The following PRKG1 variants were observed in gnomAD, a reference collection of about 807,000 sequenced individuals.
The protein encoded by PRKG1 is protein kinase cGMP-dependent 1.
A neutral mutation model predicts 88.1 loss-of-function variants in PRKG1; 35 were observed. The observed-to-expected ratio is 0.40, with a 90% CI of 0.30 to 0.53. PRKG1 has a LOEUF of 0.53. Ranked by LOEUF, PRKG1 falls within the 20% of genes least tolerant of loss-of-function variation. The pLI is 0.59. For missense variants in PRKG1, 540 were observed against 839.8 expected (o/e 0.64, Z 4.41); for synonymous variants, 303 against 292.5 (o/e 1.04, Z -0.37).
rs991114121 is a variant in PRKG1 at position 51,698,102 on chromosome 10, A to G, written c.593-106483A>G. The G allele has an allele frequency of 9.9e-6, 16 of 1,613,884 alleles. No individual in the cohort carries two copies. Among genetic ancestry groups the G allele is most frequent in the African/African-American group, 5.3e-5 (4 of 74,846 alleles). On this transcript the variant is annotated intron_variant, in intron 3 of 17. Coordinates refer to ENST00000373980, the MANE Select transcript of PRKG1 (RefSeq NM_006258.4). Reference sequence around the variant, plus strand: ...TCCCTGAGGAGGGCCACCTGCCCCTATATTAATGGGACCAGGACCCTGAAT... The same window carrying G: ...TCCCTGAGGAGGGCCACCTGCCCCTGTATTAATGGGACCAGGACCCTGAAT...
intron 3 of PRKG1, among the ~76,000 whole-genome samples, chr10:51,636,180 C>T (rs970063029): frequency 6.6e-6 from 1 of 152,022 alleles, no homozygotes; most frequent in African/African-American, 2.4e-5. Flanking sequence ...TTTGCATATC[C>T]GCTTTTTATG....
At chr10:51,675,214 G>T (rs1840679763) in intron 3 of PRKG1, among the ~76,000 whole-genome samples, 1 of 152,098 alleles carries the variant, frequency 6.6e-6, no homozygotes, top group South Asian at 2.1e-4. Flanking sequence ...CATAAAAGTG[G>T]TTCAAAAGGT....
At chr10:51,029,708 G>A (rs932747169) in intron 1 of PRKG1, among the ~76,000 whole-genome samples, 1 of 152,104 alleles carries the variant, frequency 6.6e-6, no homozygotes, top group Admixed American at 6.6e-5. Flanking sequence ...GCTTATTTGA[G>A]AACAAATTAG....
At chr10:52,142,304 A>G (rs1416993304) in intron 8 of PRKG1, among the ~76,000 whole-genome samples, 2 of 152,130 alleles carry the variant, frequency 1.3e-5, no homozygotes, top group Non-Finnish European at 2.9e-5. Context: ...AAACTCATAC[A>G]TTTATTAATT....
Position 51,865,166 on chromosome 10 carries a change from G to A in PRKG1, c.699-42341G>A, listed in dbSNP as rs528766826. ...TTCAAAATCTAATCATTAAAGATGC[G>A]TATAGTGAAAATATTGCTTTCAAAA... On this transcript the variant is annotated intron_variant, in intron 4 of 17. Coordinates refer to ENST00000373980, the MANE Select transcript of PRKG1 (RefSeq NM_006258.4). Among the ~76,000 whole-genome samples the A allele has an allele frequency of 5.9e-5, 9 of 152,120 alleles. 1 individual carries two copies. Among genetic ancestry groups the A allele is most frequent in the East Asian group, 1.9e-4 (1 of 5,182 alleles).
At chr10:51,911,427 CATAGCTCT>C (rs1469026759) in intron 5 of PRKG1, among the ~76,000 whole-genome samples, 1 of 151,812 alleles carries the variant, frequency 6.6e-6, no homozygotes, top group Non-Finnish European at 1.5e-5. Flanking sequence ...TAACAAAAGC[CATAGCTCT>C]ATAAATAATT....
chr10:51,255,392 G>T (rs539628937), intron 2 of PRKG1, among the ~76,000 whole-genome samples: 1 of 152,198 alleles, frequency 6.6e-6, no homozygotes, highest in Non-Finnish European at 1.5e-5. Flanking sequence ...TCAAGAATCA[G>T]CCAGGATGCT....
intron 2 of PRKG1, among the ~76,000 whole-genome samples, chr10:51,409,165 G>C (rs565040381): frequency 6.6e-6 from 1 of 152,170 alleles, no homozygotes; most frequent in African/African-American, 2.4e-5. Flanking sequence ...GGGCTATGCC[G>C]TAGCTGTCTG....
chr10:51,557,324 T>C (rs1426354130), intron 3 of PRKG1, among the ~76,000 whole-genome samples: 3 of 147,472 alleles, frequency 2.0e-5, no homozygotes, highest in African/African-American at 7.3e-5. Flanking sequence ...GTTAATGTTC[T>C]GGGCACCGGC....
intron 5 of PRKG1, among the ~76,000 whole-genome samples, chr10:52,038,471 C>T (rs548998155): frequency 5.5e-4 from 83 of 150,992 alleles, no homozygotes; most frequent in Admixed American, 9.3e-4. Context: ...GGTTGGGGCG[C>T]GGAAATAAGG....
intron 3 of PRKG1, among the ~76,000 whole-genome samples, chr10:51,694,253 GA>G (rs1178249523): frequency 1.1e-4 from 17 of 152,164 alleles, no homozygotes; most frequent in Non-Finnish European, 2.9e-5. Flanking sequence ...TCAGACCTAA[GA>G]GAAAGGCCTG....
intron 1 of PRKG1, among the ~76,000 whole-genome samples, chr10:51,061,585 C>G (rs1368588564): frequency 1.3e-5 from 2 of 152,084 alleles, no homozygotes; most frequent in African/African-American, 4.8e-5. Context: ...ATTTTCTGTC[C>G]TTTCGAGACT....
chr10:51,618,195 A>G (rs1219420329), intron 3 of PRKG1, among the ~76,000 whole-genome samples: 1 of 152,156 alleles, frequency 6.6e-6, no homozygotes, highest in Non-Finnish European at 1.5e-5. Flanking sequence ...AGGCTGTAGA[A>G]AGCTTGTTTT....
At chr10:52,267,999 A>C (rs1402867594) in intron 10 of PRKG1, among the ~76,000 whole-genome samples, 1 of 152,118 alleles carries the variant, frequency 6.6e-6, no homozygotes, top group Non-Finnish European at 1.5e-5. Context: ...TAACTTCAAC[A>C]TTCTCCACTG....
At chr10:51,988,576 G>A (rs1420442714) in intron 5 of PRKG1, among the ~76,000 whole-genome samples, 1 of 151,940 alleles carries the variant, frequency 6.6e-6, no homozygotes, top group Admixed American at 6.6e-5. Context: ...AGGTATCATT[G>A]TTTAAATTTT....
At chr10:51,797,429 T>G (rs1839043605) in intron 3 of PRKG1, among the ~76,000 whole-genome samples, 1 of 146,114 alleles carries the variant, frequency 6.8e-6, no homozygotes, top group South Asian at 2.1e-4. Context: ...TATATTTTAT[T>G]TTATAATGTA....
At chr10:51,067,936 T>C (rs1013687251) in intron 1 of PRKG1, among the ~76,000 whole-genome samples, 41 of 152,090 alleles carry the variant, frequency 2.7e-4, no homozygotes, top group African/African-American at 8.9e-4. Context: ...AATAATGAAT[T>C]TTTAAAAATC....
chr10:52,005,907 C>T (rs1476378659), intron 5 of PRKG1, among the ~76,000 whole-genome samples: 1 of 151,932 alleles, frequency 6.6e-6, no homozygotes, highest in East Asian at 1.9e-4. Flanking sequence ...AAGGATATGG[C>T]TTATCTGCCT....
chr10:52,085,873 A>C (rs1806238314), intron 7 of PRKG1, among the ~76,000 whole-genome samples: 1 of 152,044 alleles, frequency 6.6e-6, no homozygotes, highest in African/African-American at 2.4e-5. Context: ...TCCTATATTA[A>C]ATGTAAAAGT....
Sources: allele counts gnomAD v4.1 joint callset (sites outside exome capture counted in the v4.1 genomes callset), GRCh38; gene constraint gnomAD v4.1.1; transcripts MANE v1.5; gene names NCBI Gene and HGNC (gene_info 2026-07-23, HGNC 2026-07-21).